Variants in AOPEP observed in about 807,000 individuals in gnomAD.
AOPEP encodes the protein aminopeptidase O (putative), also known as aminopeptidase O.
A neutral mutation model predicts 98.1 loss-of-function variants in AOPEP; 77 were observed. The observed-to-expected ratio is 0.78, with a 90% CI of 0.65 to 0.95. The LOEUF is 0.95. Ranked by LOEUF, AOPEP falls within the 40% of genes least tolerant of loss-of-function variation. AOPEP has a pLI of 0.00. For synonymous variants in AOPEP, 346 were observed against 365.3 expected, an observed-to-expected ratio of 0.95 and a Z score of 0.60; for missense variants, 1,024 against 1,024.7, an observed-to-expected ratio of 1.00 and a Z score of 0.01.
chr9:95,044,212 C>A (rs554867257), intron 13 of AOPEP, among the ~76,000 whole-genome samples: 28 of 152,194 alleles, frequency 1.8e-4, no homozygotes, highest in Non-Finnish European at 1.3e-4. Flanking sequence ...ATTAATGGTA[C>A]AAGGCTTAAA....
chr9:95,056,724 G>T (rs917384142), intron 13 of AOPEP, among the ~76,000 whole-genome samples: 1 of 152,210 alleles, frequency 6.6e-6, no homozygotes, highest in Non-Finnish European at 1.5e-5. Context: ...GGAAAAACAT[G>T]CAGTGGACTT....
chr9:94,840,711 G>A (rs1445260954), intron 5 of AOPEP, among the ~76,000 whole-genome samples: 1 of 151,714 alleles, frequency 6.6e-6, no homozygotes, highest in African/African-American at 2.4e-5. Flanking sequence ...CTTTCATCCT[G>A]GGAGAGTTTT....
chr9:95,060,904 A>G (rs1239276149), intron 14 of AOPEP, 94 bp downstream of exon 14: 2 of 810,782 alleles, frequency 2.5e-6, no homozygotes, highest in East Asian at 2.4e-5. Flanking sequence ...TGAAACCACC[A>G]TTTCTATTAG....
At chr9:95,131,108 A>G in the AOPEP span, among the ~76,000 whole-genome samples, 1 of 152,184 alleles carries the variant, frequency 6.6e-6, no homozygotes, top group South Asian at 2.1e-4. Flanking sequence ...CAATTTTTTC[A>G]GTACTCCATA....
At chr9:95,114,147 A>G in the AOPEP span, 2 of 195,504 alleles carry the variant, frequency 1.0e-5, no homozygotes, top group Non-Finnish European at 2.2e-5. Flanking sequence ...TTCTCATTTT[A>G]GAGAGATTTA....
chr9:94,891,258 T>C (rs1448782589), intron 5 of AOPEP, among the ~76,000 whole-genome samples: 1 of 152,226 alleles, frequency 6.6e-6, no homozygotes, highest in East Asian at 1.9e-4. Flanking sequence ...CTTTTTTGGA[T>C]TAATATTTGC....
At chr9:95,108,085 C>G in the AOPEP span, among the ~76,000 whole-genome samples, 1 of 152,198 alleles carries the variant, frequency 6.6e-6, no homozygotes, top group Non-Finnish European at 1.5e-5. Context: ...TGAAAGAATA[C>G]TTAGGCCTAT....
intron 13 of AOPEP, among the ~76,000 whole-genome samples, chr9:95,041,629 T>G (rs1315460556): frequency 6.6e-6 from 1 of 152,160 alleles, no homozygotes; most frequent in Non-Finnish European, 1.5e-5. Context: ...CTTGAATATT[T>G]CTTACCGGCT....
chr9:94,834,810 ATG>A (rs751960953), intron 5 of AOPEP, among the ~76,000 whole-genome samples: 9,028 of 128,004 alleles, frequency 0.071, 343 homozygotes, highest in South Asian at 0.12. Context: ...GCATGCATGC[ATG>A]CATACATACA....
At chr9:94,970,745 T>C (rs2059487846) in intron 10 of AOPEP, among the ~76,000 whole-genome samples, 1 of 150,990 alleles carries the variant, frequency 6.6e-6, no homozygotes, top group Non-Finnish European at 1.5e-5. Flanking sequence ...CATGCAAAAA[T>C]CCCATCACAT....
At chr9:94,728,243 A>G (rs922235180) in intron 1 of AOPEP, among the ~76,000 whole-genome samples, 20 of 139,738 alleles carry the variant, frequency 1.4e-4, no homozygotes, top group East Asian at 6.1e-4. Flanking sequence ...GCGCATGCAC[A>G]CACACACACA....
rs2046460216 is a variant in AOPEP, at chr9:94,872,499, G to A, written c.1365-51487G>A. 5.3e-5 allele frequency among the ~76,000 whole-genome samples: 8 copies of A among 152,110 alleles called. No individual in the cohort carries two copies. The South Asian group carries it at 1.7e-3, about 32-fold the overall frequency. On this transcript the variant is annotated intron_variant, in intron 5 of 16. Transcript: ENST00000375315. ...TGATTCTGGATCATTAACTCAACAA[G>A]CAGCAGACATGCCTCTTTAAGGCAA...
At chr9:95,076,875 A>G (rs185818130) in intron 14 of AOPEP, among the ~76,000 whole-genome samples, 3 of 152,382 alleles carry the variant, frequency 2.0e-5, no homozygotes, top group Admixed American at 6.5e-5. Context: ...GATTGGGTCT[A>G]AAATGAAACA....
chr9:95,042,008 A>G (rs16911932), intron 13 of AOPEP, among the ~76,000 whole-genome samples: 4,505 of 152,230 alleles, frequency 0.03, 114 homozygotes, highest in South Asian at 0.1. Context: ...AAGTGTAGCC[A>G]AGAGCTTTTA....
At chr9:95,043,241 TATATACAG>T (rs1207702809) in intron 13 of AOPEP, among the ~76,000 whole-genome samples, 1 of 147,088 alleles carries the variant, frequency 6.8e-6, no homozygotes, top group African/African-American at 2.4e-5. Context: ...TATATACAGA[TATATACAG>T]ATATATATAT....
chr9:95,144,912 T>C, the AOPEP span, among the ~76,000 whole-genome samples: 3 of 152,076 alleles, frequency 2.0e-5, no homozygotes, highest in African/African-American at 7.2e-5. Context: ...AACATAACGC[T>C]CGGACTCCTC....
At chr9:95,117,801 G>A in the AOPEP span, among the ~76,000 whole-genome samples, 9 of 147,412 alleles carry the variant, frequency 6.1e-5, no homozygotes, top group Admixed American at 2.8e-4. Context: ...TCAGCTCACC[G>A]CAACCTCTGG....
Position 94,915,672 on chromosome 9 carries a change from AG to A in AOPEP, c.1365-8312del, listed in dbSNP as rs2052696862. Among the ~76,000 whole-genome samples the A allele has an allele frequency of 1.3e-5, 2 of 152,162 alleles. 1 individual carries two copies. The highest frequency in any genetic ancestry group is 4.1e-4 in the South Asian group (2 of 4,822). On this transcript the variant is annotated intron_variant, in intron 5 of 16. Transcript: ENST00000375315. Reference sequence around the variant, plus strand: ...AGCCGGCAGTGCCTCTGTTGCGCTCAGGCCTCTTGTTGTACAGACCAGCCTT... The same window carrying A: ...AGCCGGCAGTGCCTCTGTTGCGCTCAGCCTCTTGTTGTACAGACCAGCCTT...
At chr9:94,996,758 C>G (rs2061271197) in intron 11 of AOPEP, among the ~76,000 whole-genome samples, 1 of 152,138 alleles carries the variant, frequency 6.6e-6, no homozygotes, top group Non-Finnish European at 1.5e-5. Context: ...GGCATTTTGT[C>G]AGAATAATTT....
Sources: gnomAD v4.1 joint callset for allele counts (sites outside exome capture counted in the v4.1 genomes callset) on GRCh38, gnomAD v4.1.1 for gene constraint, MANE v1.5 for transcripts, NCBI Gene and HGNC (gene_info 2026-07-23, HGNC 2026-07-21) for gene names.